The following MYO16 variants were observed in gnomAD, a reference collection of about 807,000 sequenced individuals.
MYO16 encodes myosin XVI.
In MYO16, 94 loss-of-function variants were observed where a neutral mutation model predicts 205.3. The observed-to-expected ratio is 0.46, with a 90% CI of 0.39 to 0.54. The LOEUF is 0.54. Ranked by LOEUF, MYO16 falls within the 20% of genes least tolerant of loss-of-function variation. The pLI is 0.00. For synonymous variants in MYO16, 988 were observed against 954.0 expected (o/e 1.04, Z -0.66); for missense variants, 2,315 against 2,387.5 (o/e 0.97, Z 0.63).
chr13:108,771,834 T>G (rs1464069315), intron 4 of MYO16, among the ~76,000 whole-genome samples: 1 of 152,220 alleles, frequency 6.6e-6, no homozygotes, highest in African/African-American at 2.4e-5. Flanking sequence ...CATAGCTCAT[T>G]TTTGTATAAC....
At chr13:109,186,231 G>A (rs746432698) in intron 34 of MYO16, among the ~76,000 whole-genome samples, 3 of 152,108 alleles carry the variant, frequency 2.0e-5, no homozygotes, top group East Asian at 1.9e-4. Flanking sequence ...ATTGATGACC[G>A]ACACATACTT....
At chr13:108,843,176 A>G (rs553674141) in intron 9 of MYO16, among the ~76,000 whole-genome samples, 6 of 152,058 alleles carry the variant, frequency 3.9e-5, no homozygotes, top group African/African-American at 1.2e-4. Context: ...ATCTAGTGTG[A>G]CATGTTAATT....
intron 5 of MYO16, among the ~76,000 whole-genome samples, chr13:108,786,252 AT>A (rs1838569927): frequency 6.6e-6 from 1 of 152,244 alleles, no homozygotes; most frequent in East Asian, 1.9e-4. Context: ...CCCTATGGCC[AT>A]GATGCTAGCC....
chr13:109,095,323 T>G (rs1888744604), intron 27 of MYO16, among the ~76,000 whole-genome samples: 1 of 151,960 alleles, frequency 6.6e-6, no homozygotes. Flanking sequence ...CCTCTCCAGT[T>G]GCTCCTGTGC....
At chr13:108,990,147 TACACACAC>T (rs56975148) in intron 20 of MYO16, among the ~76,000 whole-genome samples, 17,513 of 148,394 alleles carry the variant, frequency 0.12, 1,072 homozygotes, top group East Asian at 0.21. Context: ...ACACAGACAA[TACACACAC>T]ACACACACAC....
At chr13:109,201,352 C>T (rs1364668530) in intron 34 of MYO16, 1 of 151,962 alleles carries the variant, frequency 6.6e-6, no homozygotes, top group Admixed American at 6.6e-5. Flanking sequence ...TGATGGCATG[C>T]ACTTGTGTTA....
At chr13:108,959,768 G>A (rs1032909392) in intron 17 of MYO16, among the ~76,000 whole-genome samples, 10 of 152,224 alleles carry the variant, frequency 6.6e-5, no homozygotes, top group South Asian at 4.1e-4. Context: ...ACACAGAGAC[G>A]CAGAAGCACA....
the MYO16 span, among the ~76,000 whole-genome samples, chr13:108,503,582 A>C: frequency 1.3e-5 from 2 of 152,218 alleles, no homozygotes; most frequent in African/African-American, 4.8e-5. Context: ...GGAGACTGAA[A>C]GAATTGCAAA....
intron 23 of MYO16, among the ~76,000 whole-genome samples, chr13:109,025,688 A>C (rs1219333524): frequency 6.6e-6 from 1 of 152,202 alleles, no homozygotes; most frequent in African/African-American, 2.4e-5. Context: ...AAAATTAAGA[A>C]TCTTGAAAGA....
At chr13:108,831,157 A>G (rs1467378601) in intron 9 of MYO16, among the ~76,000 whole-genome samples, 1 of 152,042 alleles carries the variant, frequency 6.6e-6, no homozygotes, top group Non-Finnish European at 1.5e-5. Context: ...TCTTAATGCT[A>G]TCACTTTGAG....
chr13:108,776,722 A>C (rs1331552339), intron 4 of MYO16, among the ~76,000 whole-genome samples: 1 of 152,182 alleles, frequency 6.6e-6, no homozygotes, highest in Admixed American at 6.5e-5. Context: ...CCTGATACAG[A>C]GCTATCCTTG....
intron 16 of MYO16, among the ~76,000 whole-genome samples, chr13:108,931,513 C>T (rs1305304285): frequency 3.3e-5 from 5 of 152,102 alleles, no homozygotes; most frequent in African/African-American, 7.2e-5. Context: ...AGGTAGTCCC[C>T]GCACCCCACT....
At chr13:108,624,784 A>AGTGTGTGT (rs6145237), upstream of MYO16, among the ~76,000 whole-genome samples, 39 of 90,850 alleles carry the variant, frequency 4.3e-4, no homozygotes, top group African/African-American at 1.2e-3. Context: ...ATATAGCCTG[A>AGTGTGTGT]GTGTGTGTGT....
chr13:108,674,366 A>G (rs996862650), intron 2 of MYO16, among the ~76,000 whole-genome samples: 1 of 152,204 alleles, frequency 6.6e-6, no homozygotes, highest in Non-Finnish European at 1.5e-5. Flanking sequence ...ATTATCTCCT[A>G]GTATCTAGGG....
chr13:108,682,473 C>T (rs1045123537), intron 2 of MYO16, among the ~76,000 whole-genome samples: 9 of 151,896 alleles, frequency 5.9e-5, no homozygotes, highest in South Asian at 2.1e-4. Context: ...GTCAGAGCCG[C>T]GGGCACACAG....
chr13:108,743,157 T>C (rs552409633), intron 4 of MYO16, among the ~76,000 whole-genome samples: 110 of 152,334 alleles, frequency 7.2e-4, no homozygotes, highest in African/African-American at 2.5e-3. Context: ...GGTATTAATT[T>C]CTTTAAATTG....
At chr13:108,523,557 A>G in the MYO16 span, among the ~76,000 whole-genome samples, 1 of 152,098 alleles carries the variant, frequency 6.6e-6, no homozygotes, top group Non-Finnish European at 1.5e-5. Flanking sequence ...TTCCCATCTT[A>G]TTCAATCTTA....
chr13:108,669,498 T>C (rs982768999), intron 2 of MYO16, among the ~76,000 whole-genome samples: 1 of 152,128 alleles, frequency 6.6e-6, no homozygotes, highest in African/African-American at 2.4e-5. Context: ...TTAAGAGCTT[T>C]TTTTAATGAT....
At chr13:108,530,672 C>A in the MYO16 span, among the ~76,000 whole-genome samples, 77 of 152,272 alleles carry the variant, frequency 5.1e-4, 2 homozygotes, top group East Asian at 0.013. Flanking sequence ...ATGGTAAAAA[C>A]TTAAGTTTTA....
Sources: gnomAD v4.1 joint callset for allele counts (sites outside exome capture counted in the v4.1 genomes callset) on GRCh38, gnomAD v4.1.1 for gene constraint, MANE v1.5 for transcripts, NCBI Gene and HGNC (gene_info 2026-07-23, HGNC 2026-07-21) for gene names.